SPON1: variants seen among roughly 807,000 people sequenced by gnomAD.
SPON1 encodes spondin-1.
SPON1 carries 52 observed loss-of-function variants against 111.7 expected under a neutral mutation model. The observed-to-expected ratio is 0.47, with a 90% CI of 0.37 to 0.59. The LOEUF is 0.59. SPON1 is among the 20% of genes least tolerant of loss of function. The probability of loss-of-function intolerance (pLI) is 0.00; values close to 1 mark genes in which losing one functional copy is unlikely to be tolerated. For synonymous variants in SPON1, 410 were observed against 395.8 expected (o/e 1.04, Z -0.43); for missense variants, 957 against 1,068.5 (o/e 0.90, Z 1.46).
chr11:14,059,520 G>T (rs1209257913), intron 3 of SPON1, among the ~76,000 whole-genome samples: 1 of 152,086 alleles, frequency 6.6e-6, no homozygotes, highest in Admixed American at 6.5e-5. Flanking sequence ...CCTACTATGT[G>T]CCAGGCTAAT....
intron 3 of SPON1, among the ~76,000 whole-genome samples, chr11:14,068,389 A>T (rs1848848781): frequency 6.6e-6 from 1 of 152,130 alleles, no homozygotes; most frequent in Admixed American, 6.5e-5. Flanking sequence ...AAATCCAATG[A>T]CCACACAAGT....
intron 6 of SPON1, among the ~76,000 whole-genome samples, chr11:14,162,051 G>A (rs902125019): frequency 4.0e-5 from 6 of 151,716 alleles, no homozygotes; most frequent in Non-Finnish European, 7.4e-5. Flanking sequence ...CCAGCTACTC[G>A]GGAGGCTGAG....
rs138606162 is a variant in SPON1, at chr11:14,133,719, G to A, written c.677-1701G>A. ...ACAAGTGTACTTTGGCTTTGATGAC[G>A]GCTAGGACTCTTCACCCAGGAAATG... On this transcript the variant is annotated intron_variant, in intron 5 of 15. Coordinates refer to ENST00000576479, the MANE Select transcript of SPON1 (RefSeq NM_006108.4). Among the ~76,000 whole-genome samples, 458 of 152,274 alleles carry A rather than the reference G, an allele frequency of 3.0e-3. 1 individual carries two copies. The highest frequency in any genetic ancestry group is 9.9e-3 in the African/African-American group (410 of 41,536).
intron 6 of SPON1, among the ~76,000 whole-genome samples, chr11:14,238,196 T>C (rs1848887471): frequency 6.6e-6 from 1 of 152,208 alleles, no homozygotes; most frequent in Non-Finnish European, 1.5e-5. Context: ...CTGTTTCTAT[T>C]CCTTTCCCTC....
intron 3 of SPON1, among the ~76,000 whole-genome samples, chr11:14,074,468 C>T (rs1848900931): frequency 6.6e-6 from 1 of 152,152 alleles, no homozygotes; most frequent in African/African-American, 2.4e-5. Flanking sequence ...TCAAGGAATC[C>T]CTATATCTGT....
At chr11:14,105,857 CTG>C (rs1397517957) in intron 5 of SPON1, among the ~76,000 whole-genome samples, 1 of 152,164 alleles carries the variant, frequency 6.6e-6, no homozygotes, top group African/African-American at 2.4e-5. Flanking sequence ...TAACACACAC[CTG>C]TATTGGATTG....
intron 2 of SPON1, among the ~76,000 whole-genome samples, chr11:14,023,589 G>A (rs1366050538): frequency 6.6e-6 from 1 of 152,182 alleles, no homozygotes; most frequent in African/African-American, 2.4e-5. Flanking sequence ...TTGTTCTTTG[G>A]AGGTGGGCTG....
rs951054224 is a variant in SPON1, at chr11:13,963,427, C to T, written c.238+285C>T. On this transcript the variant is annotated intron_variant, in intron 1 of 15. Transcript: ENST00000576479. ...GATGTAACTGAGCCACACGTCACGCCGGCCTGACTGCAAGGGAGGCTCGCT... is the reference window on the plus strand; with the variant it reads ...GATGTAACTGAGCCACACGTCACGCTGGCCTGACTGCAAGGGAGGCTCGCT... Among the ~76,000 whole-genome samples the T allele has an allele frequency of 5.3e-5, 8 of 152,334 alleles. No individual in the cohort carries two copies. The South Asian group carries it at 1.7e-3, about 32-fold the overall frequency.
intron 6 of SPON1, among the ~76,000 whole-genome samples, chr11:14,141,060 C>T (rs1847650883): frequency 7.3e-6 from 1 of 136,442 alleles, no homozygotes; most frequent in Non-Finnish European, 1.5e-5. Flanking sequence ...TCAAGATTTC[C>T]CCTTCTCTCC....
chr11:14,047,559 A>G (rs782137653), intron 3 of SPON1, among the ~76,000 whole-genome samples: 8 of 152,326 alleles, frequency 5.3e-5, no homozygotes, highest in Non-Finnish European at 1.0e-4. Flanking sequence ...GAAGACAGAT[A>G]TTAATGGGGG....
At position 14,135,565 on chromosome 11, in the gene SPON1, A is replaced by C; in HGVS notation, c.822A>C (p.Gln274His). Residue 274 changes from glutamine (Q) to histidine (H), a missense_variant, in exon 6 of 16, where the codon CAA becomes CAC. Physicochemically the swap from Gln to His is conservative, Grantham distance 24 (BLOSUM62 0). Transcript: ENST00000576479. The surrounding 1 kb of genome is among the most constrained non-coding windows in gnomAD (Gnocchi z 4.4). ...SPVKMEEEIRQQSDEVLTVIK... is the reference protein window; with the variant it reads ...SPVKMEEEIRHQSDEVLTVIK... ...TGAAAATGGAGGAAGAAATTCGACA[A>C]CAGGTAAGACAAAAAAATCACAGAA... 6.2e-7 allele frequency: 1 copy of C among 1,612,496 alleles called. No homozygotes were observed. The highest frequency in any genetic ancestry group is 8.5e-7 in the Non-Finnish European group (1 of 1,178,804).
Position 13,962,773 on chromosome 11 carries a change from G to A in SPON1, c.-132G>A, listed in dbSNP as rs1266302837. On this transcript the variant is annotated 5_prime_UTR_variant, in exon 1 of 16. Coordinates refer to ENST00000576479, the MANE Select transcript of SPON1 (RefSeq NM_006108.4). ...AAGCCGAGGCGGGCACGGTCTCCGA[G>A]TCGCGGACGCCAGCTCCGAGCTCCC... 2.4e-6 allele frequency: 2 copies of A among 819,606 alleles called. No homozygotes were observed. Among genetic ancestry groups the A allele is most frequent in the Non-Finnish European group, 3.5e-6 (2 of 564,826 alleles). 50.8% of individuals were successfully genotyped at this position (819,606 alleles called of 1,614,324 possible).
At chr11:14,070,667 C>A (rs1848868439) in intron 3 of SPON1, among the ~76,000 whole-genome samples, 1 of 152,132 alleles carries the variant, frequency 6.6e-6, no homozygotes, top group African/African-American at 2.4e-5. Context: ...GACCTGATTT[C>A]TCCCAAGTAC....
intron 7 of SPON1, among the ~76,000 whole-genome samples, chr11:14,247,283 G>A (rs903807198): frequency 1.3e-5 from 2 of 152,138 alleles, no homozygotes; most frequent in African/African-American, 4.8e-5. Context: ...GGTGGCTTGT[G>A]CCTGTGGTCT....
chr11:14,114,200 T>C (rs1591379192), intron 5 of SPON1, among the ~76,000 whole-genome samples: 1 of 152,144 alleles, frequency 6.6e-6, no homozygotes, highest in Admixed American at 6.5e-5. Flanking sequence ...TTCCCTTCTG[T>C]CCCCCTACTA....
Position 14,019,787 on chromosome 11 carries a change from C to T in SPON1, c.346-21734C>T, listed in dbSNP as rs539846399. Among the ~76,000 whole-genome samples, 92 of 152,248 alleles carry T rather than the reference C, an allele frequency of 6.0e-4. No homozygotes were observed. In the South Asian group the frequency reaches 0.015, roughly 25 times the overall value. On this transcript the variant is annotated intron_variant, in intron 2 of 15. Transcript: ENST00000576479. ...CATAAAATGGCTGTGCTAGCTCCTC[C>T]GGTTCATAAATTGGCCACACTAGCT...
chr11:14,091,522 G>A (rs1396259826), intron 5 of SPON1, among the ~76,000 whole-genome samples: 1 of 152,120 alleles, frequency 6.6e-6, no homozygotes, highest in African/African-American at 2.4e-5. Context: ...GCACCGGTGG[G>A]CCGGCACTGC....
chr11:14,051,415 A>T (rs1364664180), intron 3 of SPON1, among the ~76,000 whole-genome samples: 1 of 152,108 alleles, frequency 6.6e-6, no homozygotes, highest in African/African-American at 2.4e-5. Flanking sequence ...GAGAGCCTAT[A>T]GTCCCAGCTA....
rs532103835 is a variant in SPON1, at chr11:14,231,134, C to CT, written c.826-12185dup. Among the ~76,000 whole-genome samples the CT allele has an allele frequency of 0.018, 2,462 of 138,580 alleles. 112 individuals carry two copies. The East Asian group carries it at 0.18, about 10-fold the overall frequency. The allele number at this position is 138,580 out of a possible 152,430, so 90.9% of individuals were successfully genotyped here. ...AGCCGCCACTTTTTTTCTTTTTTTT[C>CT]TTTTTTTTTTTTTATTTGAGATGGA... On this transcript the variant is annotated intron_variant, in intron 6 of 15. Transcript: ENST00000576479.
Sources: gnomAD v4.1 joint callset for allele counts (sites outside exome capture counted in the v4.1 genomes callset) on GRCh38, gnomAD v4.1.1 for gene constraint, Gnocchi (gnomAD v3.1) non-coding constraint, MANE v1.5 for transcripts, NCBI Gene and HGNC (gene_info 2026-07-23, HGNC 2026-07-21) for gene names.